CCDC91: variants seen among roughly 807,000 people sequenced by gnomAD.
The protein encoded by CCDC91 is coiled-coil domain-containing protein 91.
Under a neutral mutation model 63.2 loss-of-function variants are expected in CCDC91, and 48 were observed. The ratio of observed to expected loss-of-function variants is 0.76; its 90% CI spans 0.60 to 0.97. CCDC91 has a LOEUF of 0.97. Among genes scored for constraint, CCDC91 ranks in the 50% least tolerant of loss-of-function variants. CCDC91 has a pLI of 0.00. For synonymous variants in CCDC91, 167 were observed against 165.8 expected, an observed-to-expected ratio of 1.01 and a Z score of -0.06; for missense variants, 500 against 494.6, an observed-to-expected ratio of 1.01 and a Z score of -0.10.
intron 12 of CCDC91, among the ~76,000 whole-genome samples, chr12:28,535,814 G>A (rs1218718136): frequency 2.0e-5 from 3 of 152,008 alleles, no homozygotes; most frequent in Non-Finnish European, 4.4e-5. Context: ...AGATCATGAG[G>A]TCAGGAGATC....
chr12:28,420,209 A>C (rs1367040329), intron 8 of CCDC91, among the ~76,000 whole-genome samples: 3 of 152,178 alleles, frequency 2.0e-5, no homozygotes, highest in Non-Finnish European at 1.5e-5. Flanking sequence ...CAAAACTTAA[A>C]GCAAAAAAAT....
chr12:28,382,353 A>T (rs1206564957), intron 7 of CCDC91, among the ~76,000 whole-genome samples: 5 of 151,894 alleles, frequency 3.3e-5, no homozygotes, highest in African/African-American at 1.2e-4. Flanking sequence ...TAAAACAATA[A>T]TGTTGATCCT....
chr12:28,492,293 T>C (rs1464071463), intron 12 of CCDC91, among the ~76,000 whole-genome samples: 1 of 151,708 alleles, frequency 6.6e-6, no homozygotes, highest in East Asian at 1.9e-4. Context: ...CAAGGACAAA[T>C]AAAATAACCA....
intron 1 of CCDC91, among the ~76,000 whole-genome samples, chr12:28,208,894 G>A (rs1247220228): frequency 2.6e-5 from 4 of 152,066 alleles, no homozygotes; most frequent in South Asian, 2.1e-4. Flanking sequence ...TCTGCCTCCC[G>A]GGTTCACGCC....
chr12:28,302,663 C>T, intron 3 of CCDC91: 1 of 983,254 alleles, frequency 1.0e-6, no homozygotes, highest in African/African-American at 1.7e-5. Flanking sequence ...GAAGTTAGCA[C>T]TTAGTGGTAT....
chr12:28,194,164 T>A (rs1299440624), intron 1 of CCDC91, among the ~76,000 whole-genome samples: 1 of 152,228 alleles, frequency 6.6e-6, no homozygotes, highest in Non-Finnish European at 1.5e-5. Flanking sequence ...CCAGAACTTT[T>A]ATAGCTTTAA....
At chr12:28,389,972 G>A (rs367614932) in intron 7 of CCDC91, among the ~76,000 whole-genome samples, 29 of 152,204 alleles carry the variant, frequency 1.9e-4, no homozygotes, top group African/African-American at 5.1e-4. Flanking sequence ...ATCTTTGGAA[G>A]ACACTGTAAA....
chr12:28,322,847 T>G (rs1170967875), intron 6 of CCDC91, among the ~76,000 whole-genome samples: 2 of 151,762 alleles, frequency 1.3e-5, no homozygotes, highest in African/African-American at 2.4e-5. Flanking sequence ...TATCCTTGCC[T>G]ACTGGGTATT....
chr12:28,294,335 C>T (rs1179675197), intron 3 of CCDC91, among the ~76,000 whole-genome samples: 1 of 152,108 alleles, frequency 6.6e-6, no homozygotes, highest in Non-Finnish European at 1.5e-5. Context: ...ATTGTAATCC[C>T]CCCATGTCAA....
At chr12:28,427,850 TG>T (rs1821421935) in intron 8 of CCDC91, among the ~76,000 whole-genome samples, 1 of 152,216 alleles carries the variant, frequency 6.6e-6, no homozygotes, top group African/African-American at 2.4e-5. Flanking sequence ...TCTAAATATA[TG>T]TTTTCATTAT....
At chr12:28,441,394 A>G (rs1949200121) in intron 8 of CCDC91, among the ~76,000 whole-genome samples, 2 of 152,068 alleles carry the variant, frequency 1.3e-5, no homozygotes, top group Non-Finnish European at 2.9e-5. Context: ...ATATCAAAGA[A>G]TGTCTGTGAT....
At chr12:28,222,409 T>C (rs1944007649) in intron 1 of CCDC91, among the ~76,000 whole-genome samples, 1 of 152,224 alleles carries the variant, frequency 6.6e-6, no homozygotes, top group African/African-American at 2.4e-5. Context: ...TATGATACTT[T>C]ATAAAGTAAA....
At chr12:28,320,140 T>C (rs1940334804) in intron 6 of CCDC91, among the ~76,000 whole-genome samples, 1 of 151,982 alleles carries the variant, frequency 6.6e-6, no homozygotes, top group Non-Finnish European at 1.5e-5. Context: ...TCATCTCTTA[T>C]AAATTTAAGA....
chr12:28,293,666 T>C (rs1253747337), intron 3 of CCDC91, among the ~76,000 whole-genome samples: 2 of 152,176 alleles, frequency 1.3e-5, no homozygotes, highest in African/African-American at 4.8e-5. Flanking sequence ...TTTTCATCTC[T>C]CTGTCTCTTT....
intron 6 of CCDC91, among the ~76,000 whole-genome samples, chr12:28,347,961 T>C (rs1289789812): frequency 1.3e-5 from 2 of 152,222 alleles, no homozygotes; most frequent in Non-Finnish European, 2.9e-5. Flanking sequence ...TGTGAAGGCA[T>C]GTAAGCCAAC....
At chr12:28,266,871 G>GC (rs905040426) in intron 3 of CCDC91, among the ~76,000 whole-genome samples, 1 of 151,062 alleles carries the variant, frequency 6.6e-6, no homozygotes, top group Non-Finnish European at 1.5e-5. Flanking sequence ...CTAAGTTAGC[G>GC]CCCCCCGCCC....
intron 12 of CCDC91, among the ~76,000 whole-genome samples, chr12:28,531,233 A>G (rs1429888930): frequency 6.6e-6 from 1 of 152,160 alleles, no homozygotes; most frequent in African/African-American, 2.4e-5. Flanking sequence ...GCCGTGAAGA[A>G]ATAATTAGGT....
intron 1 of CCDC91, among the ~76,000 whole-genome samples, chr12:28,194,237 TC>T (rs1941537495): frequency 6.6e-6 from 1 of 152,100 alleles, no homozygotes; most frequent in South Asian, 2.1e-4. Flanking sequence ...GAGGTAGGGG[TC>T]AAGACTCTCT....
chr12:28,211,914 AG>A (rs1943258345), intron 1 of CCDC91, among the ~76,000 whole-genome samples: 1 of 152,198 alleles, frequency 6.6e-6, no homozygotes, highest in Admixed American at 6.5e-5. Flanking sequence ...CAGATGTAAG[AG>A]GCCTCTAACT....
Sources: gnomAD v4.1 joint callset for allele counts (sites outside exome capture counted in the v4.1 genomes callset) on GRCh38, gnomAD v4.1.1 for gene constraint, MANE v1.5 for transcripts, NCBI Gene and HGNC (gene_info 2026-07-23, HGNC 2026-07-21) for gene names.